Variants in TSNAX observed in about 807,000 individuals in gnomAD.
TSNAX encodes the protein translin-associated protein X.
Under a neutral mutation model 33.0 loss-of-function variants are expected in TSNAX, and 12 were observed. The observed-to-expected ratio is 0.36, with a 90% CI of 0.23 to 0.59. TSNAX has a LOEUF of 0.59. TSNAX is among the 20% of genes least tolerant of loss of function. The probability of loss-of-function intolerance (pLI) is 0.74; values close to 1 mark genes in which losing one functional copy is unlikely to be tolerated. For missense variants in TSNAX, 267 were observed against 341.3 expected (o/e 0.78, Z 1.72); for synonymous variants, 110 against 117.2 (o/e 0.94, Z 0.40).
intron 2 of TSNAX, among the ~76,000 whole-genome samples, chr1:231,530,116 T>G (rs1002044836): frequency 5.9e-5 from 9 of 152,218 alleles, no homozygotes; most frequent in Admixed American, 5.9e-4. Flanking sequence ...GCATCTGGCC[T>G]CCTTCAGAGA....
chr1:231,546,145 ACT>A (rs1301585605), intron 4 of TSNAX, among the ~76,000 whole-genome samples: 1 of 152,020 alleles, frequency 6.6e-6, no homozygotes, highest in Non-Finnish European at 1.5e-5. Context: ...TAGAATGTAG[ACT>A]CTATAGATCT....
At chr1:231,553,152 A>G (rs1002637676) in intron 4 of TSNAX, among the ~76,000 whole-genome samples, 2 of 152,214 alleles carry the variant, frequency 1.3e-5, no homozygotes, top group Non-Finnish European at 2.9e-5. Flanking sequence ...CAATTTCTGA[A>G]AAAGCATTAA....
Position 231,564,723 on chromosome 1 carries a change from A to G in TSNAX, c.691A>G (p.Ile231Val). The G allele has an allele frequency of 6.2e-7, 1 of 1,614,152 alleles. No homozygotes were observed. The highest frequency in any genetic ancestry group is 8.5e-7 in the Non-Finnish European group (1 of 1,180,032). The change falls in exon 6 of 6, where the codon ATT (isoleucine) becomes GTT (valine). Residue 231 changes from isoleucine to valine, a missense_variant. Around this residue, in one of 2 missense-constraint regions of TSNAX, gnomAD observed 67 missense variants for 127.2 expected, o/e 0.53. Coordinates refer to ENST00000366639, the MANE Select transcript of TSNAX (RefSeq NM_005999.3). ...TCAGGTTTATGATGGGTTTTCATTC[A>G]TTGGCAACACTGGACCTTACGAGGT... ...LRQVYDGFSF[I>V]GNTGPYEVSK... is the part of the protein sequence containing the mutation.
intron 4 of TSNAX, among the ~76,000 whole-genome samples, chr1:231,553,463 A>G (rs1660469115): frequency 6.6e-6 from 1 of 152,196 alleles, no homozygotes; most frequent in African/African-American, 2.4e-5. Context: ...CTAAGACAGA[A>G]GGGGAAGGCA....
At chr1:231,545,995 T>C (rs1426211597) in intron 4 of TSNAX, among the ~76,000 whole-genome samples, 1 of 152,224 alleles carries the variant, frequency 6.6e-6, no homozygotes, top group African/African-American at 2.4e-5. Flanking sequence ...TAGCAAAGGC[T>C]TTATTTTGCT....
chr1:231,543,949 C>T (rs1363656972), intron 4 of TSNAX, among the ~76,000 whole-genome samples: 2 of 152,104 alleles, frequency 1.3e-5, no homozygotes, highest in African/African-American at 2.4e-5. Context: ...GAGTGGGAGA[C>T]AGGATCAGAA....
Position 231,564,582 on chromosome 1 carries a change from C to T in TSNAX, c.550C>T (p.Pro184Ser). 3 of 1,614,030 alleles carry T rather than the reference C, an allele frequency of 1.9e-6. No individual in the cohort carries two copies. The highest frequency in any genetic ancestry group is 1.7e-6 in the Non-Finnish European group (2 of 1,180,016). The change falls in exon 6 of 6, where the codon CCT (proline) becomes TCT (serine). Residue 184 changes from proline to serine, a missense_variant. Pro to Ser is a moderately conservative substitution (Grantham distance 74, BLOSUM62 -1). Coordinates refer to ENST00000366639, the MANE Select transcript of TSNAX (RefSeq NM_005999.3). ...TGGTACTTGGAGACTGAGAGTCACA[C>T]CTGTCGATTACCTTCTGGGAGTGGC... The part of the protein sequence containing the change: ...QFGTWRLRVT[P>S]VDYLLGVADL...
chr1:231,556,860 G>A (rs1660729996), intron 4 of TSNAX, among the ~76,000 whole-genome samples: 1 of 152,192 alleles, frequency 6.6e-6, no homozygotes, highest in Non-Finnish European at 1.5e-5. Context: ...AGCATGAATT[G>A]AGGCTGATAA....
intron 4 of TSNAX, among the ~76,000 whole-genome samples, chr1:231,553,291 G>A (rs930436735): frequency 3.9e-5 from 6 of 152,116 alleles, no homozygotes; most frequent in Admixed American, 3.9e-4. Context: ...AATATTAAAG[G>A]AATATGTAAA....
At position 231,536,147 on chromosome 1, in the gene TSNAX, C is replaced by T. The variant is rs923516474; in HGVS notation, c.122-1066C>T. 4.8e-4 allele frequency: 73 copies of T among 152,196 alleles called. 1 individual carries two copies. The highest frequency in any genetic ancestry group is 1.7e-3 in the African/African-American group (71 of 41,454). 9.4% of individuals were successfully genotyped at this position (152,196 alleles called of 1,614,324 possible). ...GATCATTTTCAGATGAACTCTGCCA[C>T]AGCTTTCTATTGATTGCAGAACTAC... is the stretch of plus-strand genomic sequence containing the variant. On this transcript the variant is annotated intron_variant, in intron 2 of 5. Transcript: ENST00000366639.
chr1:231,531,691 T>C (rs955285551), intron 2 of TSNAX, among the ~76,000 whole-genome samples: 3 of 152,192 alleles, frequency 2.0e-5, no homozygotes, highest in Admixed American at 6.5e-5. Flanking sequence ...GTTAATAGTT[T>C]AAGTTCTTGT....
chr1:231,548,195 T>C (rs1203480377), intron 4 of TSNAX, among the ~76,000 whole-genome samples: 1 of 152,222 alleles, frequency 6.6e-6, no homozygotes, highest in African/African-American at 2.4e-5. Flanking sequence ...GCAGTAATTC[T>C]TATTTTATTC....
At position 231,542,342 on chromosome 1, in the gene TSNAX, A is replaced by G. The variant is rs908849929; in HGVS notation, c.237-139A>G. The G allele has an allele frequency of 2.3e-5, 18 of 775,206 alleles. No individual in the cohort carries two copies. In the African/African-American group the frequency reaches 3.0e-4, roughly 13 times the overall value. 48.0% of individuals were successfully genotyped at this position (775,206 alleles called of 1,614,324 possible). On this transcript the variant is annotated intron_variant, in intron 3 of 5. Transcript: ENST00000366639. ...ATAACATTTTCATGTTCTCCATACT[A>G]TGAATAGTTTTGAGTAGTTTTGAGT...
intron 2 of TSNAX, among the ~76,000 whole-genome samples, chr1:231,532,130 TAACACACACAC>T (rs1161775559): frequency 2.7e-5 from 1 of 37,436 alleles, no homozygotes; most frequent in Non-Finnish European, 4.6e-5. Context: ...ATAGTGGTAA[TAACACACACAC>T]ACACACACAC....
At position 231,565,125 on chromosome 1, in the gene TSNAX, G is replaced by A. The variant is rs1661342621; in HGVS notation, c.*220G>A. 9.7e-6 allele frequency: 5 copies of A among 514,674 alleles called. No homozygotes were observed. Among genetic ancestry groups the A allele is most frequent in the Non-Finnish European group, 1.6e-5 (5 of 307,822 alleles). The allele number at this position is 514,674 out of a possible 1,614,324, so 31.9% of individuals were successfully genotyped here. A position where few individuals can be genotyped will look rare whatever the true frequency, so the allele number is the denominator to read the frequency against. ...TTTGCATACAGATGTTTGCATATAT[G>A]CCTTTTTGAATTTTTGCTGGTTAAC... On this transcript the variant is annotated 3_prime_UTR_variant, in exon 6 of 6. Coordinates refer to ENST00000366639, the MANE Select transcript of TSNAX (RefSeq NM_005999.3).
intron 2 of TSNAX, among the ~76,000 whole-genome samples, chr1:231,531,250 G>A (rs554971545): frequency 6.6e-5 from 10 of 152,180 alleles, no homozygotes; most frequent in Admixed American, 4.6e-4. Flanking sequence ...GAGCCACTGC[G>A]CCTGGCCTGA....
At chr1:231,540,954 T>TTTG (rs1659535593) in intron 3 of TSNAX, among the ~76,000 whole-genome samples, 1 of 152,238 alleles carries the variant, frequency 6.6e-6, no homozygotes, top group Admixed American at 6.5e-5. Flanking sequence ...TATTAGAACG[T>TTTG]ATATCTTTTC....
chr1:231,528,708 T>G lies in TSNAX; in HGVS notation c.-103T>G. The G allele has an allele frequency of 1.4e-6, 2 of 1,426,584 alleles. No individual in the cohort carries two copies. Among genetic ancestry groups the G allele is most frequent in the Non-Finnish European group, 2.0e-6 (2 of 1,017,468 alleles). 88.4% of individuals were successfully genotyped at this position (1,426,584 alleles called of 1,614,324 possible). A position where few individuals can be genotyped will look rare whatever the true frequency, so the allele number is the denominator to read the frequency against. On this transcript the variant is annotated 5_prime_UTR_variant, in exon 1 of 6. Coordinates refer to ENST00000366639, the MANE Select transcript of TSNAX (RefSeq NM_005999.3). ...GTAGTCGGCCCGGCTGCAAAGCGTT[T>G]TTCTGCAGGCTGTTTTCCCAGGTTC...
chr1:231,547,841 C>CTTTTTT (rs35520639), intron 4 of TSNAX, among the ~76,000 whole-genome samples: 5 of 123,874 alleles, frequency 4.0e-5, no homozygotes, highest in African/African-American at 9.2e-5. Context: ...CCATTGCTTT[C>CTTTTTT]TTTTTTTTTT....
Sources: allele counts gnomAD v4.1 joint callset (sites outside exome capture counted in the v4.1 genomes callset), GRCh38; gene constraint gnomAD v4.1.1; regional missense constraint gnomAD v4.1.1; transcripts MANE v1.5; gene names NCBI Gene and HGNC (gene_info 2026-07-23, HGNC 2026-07-21).